CCDC7: variants seen among roughly 807,000 people sequenced by gnomAD.
CCDC7 encodes coiled-coil domain containing 7.
Under a neutral mutation model 196.9 loss-of-function variants are expected in CCDC7, and 183 were observed. That is an observed-to-expected ratio of 0.93 (90% confidence interval 0.82 to 1.05). The LOEUF (loss-of-function observed/expected upper bound fraction) is 1.05. Ranked by LOEUF, CCDC7 falls within the 50% of genes least tolerant of loss-of-function variation. CCDC7 has a pLI of 0.00. For synonymous variants in CCDC7, 525 were observed against 484.6 expected (o/e 1.08, Z -1.10); for missense variants, 1,540 against 1,482.2 (o/e 1.04, Z -0.64).
chr10:32,516,014 A>G (rs1000181319), intron 9 of CCDC7, among the ~76,000 whole-genome samples: 1 of 152,172 alleles, frequency 6.6e-6, no homozygotes, highest in African/African-American at 2.4e-5. Flanking sequence ...AAAAAGTTAG[A>G]TCAACTTTAT....
intron 39 of CCDC7, 46 bp downstream of exon 40, chr10:32,848,764 A>C (rs1593418208): frequency 7.4e-7 from 1 of 1,355,938 alleles, no homozygotes; most frequent in Non-Finnish European, 1.0e-6. Context: ...CTAATTACCT[A>C]GAATAGTTTT....
chr10:32,813,983 G>A (rs1368332950), intron 30 of CCDC7, among the ~76,000 whole-genome samples: 1 of 151,758 alleles, frequency 6.6e-6, no homozygotes, highest in Admixed American at 6.6e-5. Context: ...TTTTGCGACA[G>A]AGTCTCGCTG....
At chr10:32,545,570 T>C (rs1348293955) in intron 13 of CCDC7, among the ~76,000 whole-genome samples, 5 of 152,228 alleles carry the variant, frequency 3.3e-5, no homozygotes, top group African/African-American at 1.2e-4. Flanking sequence ...GAGGCAAAAA[T>C]TAATTCCTAA....
chr10:32,687,320 T>C (rs984367673), intron 22 of CCDC7, among the ~76,000 whole-genome samples: 1 of 152,218 alleles, frequency 6.6e-6, no homozygotes. Context: ...TCTAGACACT[T>C]GTGGTTTAGT....
intron 18 of CCDC7, among the ~76,000 whole-genome samples, chr10:32,618,141 G>A (rs1357693252): frequency 6.6e-6 from 1 of 151,816 alleles, no homozygotes; most frequent in Non-Finnish European, 1.5e-5. Flanking sequence ...GGTAAGGTGA[G>A]TTTCTTATAG....
downstream of CCDC7, among the ~76,000 whole-genome samples, chr10:32,881,670 G>A (rs1465777167): frequency 6.6e-6 from 1 of 152,092 alleles, no homozygotes; most frequent in African/African-American, 2.4e-5. Context: ...AGCCAGTCAT[G>A]TACCCAAATT....
intron 32 of CCDC7, among the ~76,000 whole-genome samples, chr10:32,828,439 G>GAGAAGAAGAAGAAGAAGAAGAAGAAGA (rs71030014): frequency 5.3e-5 from 3 of 56,754 alleles, no homozygotes; most frequent in African/African-American, 8.8e-5. Flanking sequence ...AGGAAGGAAG[G>GAGAAGAAGAAGAAGAAGAAGAAGAAGA]AGAAGAAGAA....
At chr10:32,539,972 A>G (rs1165698345) in intron 11 of CCDC7, among the ~76,000 whole-genome samples, 1 of 152,070 alleles carries the variant, frequency 6.6e-6, no homozygotes, top group Non-Finnish European at 1.5e-5. Context: ...TGATGAGAAG[A>G]ATGTATATTC....
chr10:32,581,086 G>A (rs2058690794), intron 16 of CCDC7, among the ~76,000 whole-genome samples: 1 of 152,084 alleles, frequency 6.6e-6, no homozygotes, highest in Non-Finnish European at 1.5e-5. Flanking sequence ...GCTTTTGCAA[G>A]CAGGAAGAGA....
chr10:32,843,275 TAAC>T (rs1463280433), intron 33 of CCDC7, among the ~76,000 whole-genome samples: 2 of 151,830 alleles, frequency 1.3e-5, no homozygotes, highest in African/African-American at 2.4e-5. Flanking sequence ...TAATTAATCA[TAAC>T]AACAATTATA....
chr10:32,523,339 A>C (rs1193081769), intron 11 of CCDC7, among the ~76,000 whole-genome samples: 1 of 152,122 alleles, frequency 6.6e-6, no homozygotes, highest in Non-Finnish European at 1.5e-5. Context: ...TGAGCTCAGG[A>C]GTTCAAAACC....
At chr10:32,638,159 A>T (rs1018533607) in intron 20 of CCDC7, among the ~76,000 whole-genome samples, 1 of 152,206 alleles carries the variant, frequency 6.6e-6, no homozygotes, top group African/African-American at 2.4e-5. Flanking sequence ...CTAGATATAC[A>T]ATCATGTCAT....
At chr10:32,725,205 T>C (rs2142245253) in intron 25 of CCDC7, 2 of 394,938 alleles carry the variant, frequency 5.1e-6, no homozygotes, top group South Asian at 3.8e-5. Flanking sequence ...TATCCTTTCT[T>C]TTGTATTTTG....
chr10:32,619,094 GTTTTA>G (rs984012236), intron 18 of CCDC7, among the ~76,000 whole-genome samples: 3 of 151,290 alleles, frequency 2.0e-5, no homozygotes, highest in Admixed American at 6.6e-5. Context: ...TTTCTGCTTG[GTTTTA>G]TTTTATTTTA....
intron 28 of CCDC7, among the ~76,000 whole-genome samples, chr10:32,735,116 A>T (rs2084646992): frequency 6.6e-6 from 1 of 152,188 alleles, no homozygotes; most frequent in African/African-American, 2.4e-5. Context: ...AACCACAAAA[A>T]GAGTCCAACG....
chr10:32,814,447 C>T (rs2087923818), exon 31 of CCDC7: 1 of 1,606,218 alleles, frequency 6.2e-7, no homozygotes, highest in African/African-American at 1.3e-5. Flanking sequence ...ATCAAAGAGT[C>T]TCCCTGGTAA....
chr10:32,594,413 T>C (rs1161217864), intron 18 of CCDC7, among the ~76,000 whole-genome samples: 3 of 152,224 alleles, frequency 2.0e-5, no homozygotes, highest in Non-Finnish European at 4.4e-5. Flanking sequence ...TCCTGAGACT[T>C]TGCTGAAGTT....
intron 33 of CCDC7, among the ~76,000 whole-genome samples, chr10:32,841,942 A>C (rs2093003476): frequency 6.6e-6 from 1 of 152,096 alleles, no homozygotes. Flanking sequence ...CTCTCTATGC[A>C]AAAATCAACT....
intron 28 of CCDC7, among the ~76,000 whole-genome samples, chr10:32,737,721 T>C (rs1565343805): frequency 6.6e-6 from 1 of 152,198 alleles, no homozygotes; most frequent in African/African-American, 2.4e-5. Flanking sequence ...TGCATACTTA[T>C]TAAGTATTAC....
Sources: allele counts gnomAD v4.1 joint callset (sites outside exome capture counted in the v4.1 genomes callset), GRCh38; gene constraint gnomAD v4.1.1; transcripts MANE v1.5; gene names NCBI Gene and HGNC (gene_info 2026-07-23, HGNC 2026-07-21).